The following IAH1 variants were observed in gnomAD, a reference collection of about 807,000 sequenced individuals.
IAH1 encodes isoamyl acetate hydrolyzing esterase 1 (putative).
Under a neutral mutation model 26.7 loss-of-function variants are expected in IAH1, and 24 were observed. The ratio of observed to expected loss-of-function variants is 0.90; its 90% CI spans 0.65 to 1.26. The LOEUF (loss-of-function observed/expected upper bound fraction) is 1.26, where lower values mean the gene tolerates loss of function less well. IAH1 is among the 50% of genes most tolerant of loss of function. The pLI is 0.00. For synonymous variants in IAH1, 140 were observed against 118.5 expected (o/e 1.18, Z -1.18); for missense variants, 300 against 299.9 (o/e 1.00, Z 0.00).
downstream of IAH1, chr2:9,493,659 A>T: frequency 8.7e-7 from 1 of 1,152,036 alleles, no homozygotes; most frequent in Non-Finnish European, 1.3e-6. Context: ...CTGCAGAATT[A>T]AAGCACATCA....
rs1168469576 is a variant in IAH1 at position 9,474,676 on chromosome 2, GC to G, written c.81+33del. On this transcript the variant is annotated intron_variant, in intron 1 of 5. Coordinates refer to ENST00000497473, the MANE Select transcript of IAH1 (RefSeq NM_001039613.3). This position sits in a 1 kb window ranked among gnomAD's most constrained non-coding sequence, Gnocchi z 4.3. ...CGGCCGCCCCGACGCTCGGCCTCCC[GC>G]CCCGGCCTCCCTGCGGGGTCGCTGC... The G allele has an allele frequency of 1.3e-6, 2 of 1,496,218 alleles. No individual in the cohort carries two copies. Among genetic ancestry groups the G allele is most frequent in the African/African-American group, 1.4e-5 (1 of 69,220 alleles). 92.7% of individuals were successfully genotyped at this position (1,496,218 alleles called of 1,614,324 possible). A position where few individuals can be genotyped will look rare whatever the true frequency, so the allele number is the denominator to read the frequency against.
intron 2 of IAH1, among the ~76,000 whole-genome samples, chr2:9,477,744 G>A (rs1014584996): frequency 6.6e-6 from 1 of 151,444 alleles, no homozygotes; most frequent in Non-Finnish European, 1.5e-5. Context: ...AGTATTAACC[G>A]GTTTAAGTTG....
the IAH1 span, chr2:9,510,146 A>G: frequency 6.2e-7 from 1 of 1,613,872 alleles, no homozygotes; most frequent in Non-Finnish European, 8.5e-7. Flanking sequence ...AGGATCATGC[A>G]AAGAAAACAT....
chr2:9,488,187 C>T lies in IAH1; in HGVS notation c.605C>T (p.Pro202Leu). 1 of 1,612,786 alleles carries T rather than the reference C, an allele frequency of 6.2e-7. No homozygotes were observed. The highest frequency in any genetic ancestry group is 8.5e-7 in the Non-Finnish European group (1 of 1,179,532). ...SYLSDGLHLS[P>L]KGNEFLFSHL... ...TTATCAGATGGACTACATTTGTCTC[C>T]AAAGGGGAATGAATTTTTGTTCTCG... The change falls in exon 6 of 6, where the codon CCA becomes CTA. Residue 202 changes from proline (P) to leucine (L), a missense_variant. Physicochemically the swap from Pro to Leu is moderately conservative, Grantham distance 98. Coordinates refer to ENST00000497473, the MANE Select transcript of IAH1 (RefSeq NM_001039613.3).
the IAH1 span, chr2:9,502,182 A>T: frequency 6.2e-7 from 1 of 1,613,886 alleles, no homozygotes; most frequent in Non-Finnish European, 8.5e-7. Flanking sequence ...CCTGTGCAGT[A>T]GGACACGCCT....
downstream of IAH1, among the ~76,000 whole-genome samples, chr2:9,493,515 G>A (rs1662325621): frequency 2.0e-5 from 3 of 152,328 alleles, no homozygotes; most frequent in South Asian, 6.2e-4. Context: ...AAGGAAGCCA[G>A]TATTTTGACT....
Position 9,484,464 on chromosome 2 carries a change from G to C in IAH1, c.478G>C (p.Gly160Arg). The C allele has an allele frequency of 6.2e-7, 1 of 1,614,172 alleles. No homozygotes were observed. Among genetic ancestry groups the C allele is most frequent in the Non-Finnish European group, 8.5e-7 (1 of 1,180,022 alleles). Residue 160 changes from glycine to arginine, a missense_variant, in exon 5 of 6, where the codon GGT becomes CGT. By Grantham distance (125) the Gly-to-Arg change is moderately radical (BLOSUM62 -2). Coordinates refer to ENST00000497473, the MANE Select transcript of IAH1 (RefSeq NM_001039613.3). ...CKLNRLNSVV[G>R]EYANACLQVA... ...ACTAAATCGCCTGAACTCTGTTGTT[G>C]GTGAATATGCCAATGCGTGTTTACA...
chr2:9,495,617 G>C (rs918018073), intron 6 of IAH1, among the ~76,000 whole-genome samples: 1 of 151,804 alleles, frequency 6.6e-6, no homozygotes. Flanking sequence ...AGGAGGCTGA[G>C]GCACGAGAAT....
chr2:9,494,101 G>C (rs1348556533), downstream of IAH1, among the ~76,000 whole-genome samples: 1 of 152,132 alleles, frequency 6.6e-6, no homozygotes, highest in East Asian at 1.9e-4. Context: ...AGGCATTCCA[G>C]TAAGGACTCT....
intron 6 of IAH1, chr2:9,496,237 T>A (rs1376637345): frequency 6.6e-6 from 1 of 152,242 alleles, no homozygotes; most frequent in Non-Finnish European, 1.5e-5. Context: ...CAAGCAATTC[T>A]CCTGCCTCAG....
downstream of IAH1, among the ~76,000 whole-genome samples, chr2:9,500,458 A>G (rs1662931807): frequency 6.6e-6 from 1 of 152,224 alleles, no homozygotes; most frequent in Non-Finnish European, 1.5e-5. Flanking sequence ...TTCTGGAGTA[A>G]TGTAAATGTT....
chr2:9,498,205 CT>C (rs869073680), downstream of IAH1, among the ~76,000 whole-genome samples: 1 of 145,566 alleles, frequency 6.9e-6, no homozygotes, highest in African/African-American at 2.6e-5. Flanking sequence ...AATTTTCTTT[CT>C]TTTTTTTTGA....
upstream of IAH1, among the ~76,000 whole-genome samples, chr2:9,474,108 G>T (rs1682323954): frequency 6.6e-6 from 1 of 152,114 alleles, no homozygotes; most frequent in Admixed American, 6.5e-5. The surrounding 1 kb of genome is among the most constrained non-coding windows in gnomAD (Gnocchi z 4.3). Flanking sequence ...CAGTGCCTGC[G>T]TCCTCGTGGG....
intron 5 of IAH1, chr2:9,485,288 T>C (rs1661410487): frequency 6.6e-6 from 1 of 152,236 alleles, no homozygotes; most frequent in East Asian, 1.9e-4. Flanking sequence ...CTCGAGGCGC[T>C]TCACTGAGGG....
At chr2:9,497,196 GCAAA>G (rs1662674281), downstream of IAH1, 8 of 1,614,222 alleles carry the variant, frequency 5.0e-6, no homozygotes, top group Non-Finnish European at 6.8e-6. Flanking sequence ...CAAGATCCAA[GCAAA>G]CAGTGTCATC....
At chr2:9,492,239 C>G (rs1662215117), downstream of IAH1, among the ~76,000 whole-genome samples, 1 of 152,228 alleles carries the variant, frequency 6.6e-6, no homozygotes, top group African/African-American at 2.4e-5. Context: ...ATCTCTACAG[C>G]AGACAAATCC....
downstream of IAH1, chr2:9,497,098 G>A (rs1162267981): frequency 3.1e-6 from 5 of 1,612,102 alleles, no homozygotes; most frequent in South Asian, 5.5e-5. Context: ...GCTGGACTGG[G>A]AATAAAACTG....
chr2:9,474,578 C>T lies in IAH1; in HGVS notation c.12C>T (p.Cys4=), dbSNP rs1253861664. The part of the protein sequence containing the change: MAL[C]EAAGCGSALL... ...CGCCCGGCTGCTCCATGGCGCTGTG[C>T]GAGGCCGCGGGCTGCGGGAGTGCCC... Residue 4 remains cysteine (C), a synonymous_variant, in exon 1 of 6, where the codon TGC becomes TGT. Transcript: ENST00000497473. This position sits in a 1 kb window ranked among gnomAD's most constrained non-coding sequence, Gnocchi z 4.3. 1.3e-6 allele frequency: 2 copies of T among 1,527,978 alleles called. No homozygotes were observed. The highest frequency in any genetic ancestry group is 1.7e-6 in the Non-Finnish European group (2 of 1,143,810). The allele number at this position is 1,527,978 out of a possible 1,614,324, so 94.7% of individuals were successfully genotyped here. A position where few individuals can be genotyped will look rare whatever the true frequency, so the allele number is the denominator to read the frequency against.
chr2:9,502,792 T>A, the IAH1 span, among the ~76,000 whole-genome samples: 76 of 144,156 alleles, frequency 5.3e-4, no homozygotes, highest in African/African-American at 1.9e-3. Context: ...GGCAGGAGAA[T>A]CGCCTGGACC....
Sources: allele counts gnomAD v4.1 joint callset (sites outside exome capture counted in the v4.1 genomes callset), GRCh38; gene constraint gnomAD v4.1.1; non-coding constraint Gnocchi (gnomAD v3.1); transcripts MANE v1.5; gene names NCBI Gene and HGNC (gene_info 2026-07-23, HGNC 2026-07-21).